Variants in ELAVL2 observed in about 807,000 individuals in gnomAD.
The protein encoded by ELAVL2 is ELAV like RNA binding protein 2, also known as ELAV-like protein 2.
ELAVL2 carries 4 observed loss-of-function variants against 34.6 expected under a neutral mutation model. The ratio of observed to expected loss-of-function variants is 0.12; its 90% confidence interval spans 0.06 to 0.26. The LOEUF is 0.26. Among genes scored for constraint, ELAVL2 ranks in the 10% least tolerant of loss-of-function variants. ELAVL2 has a pLI of 1.00. For synonymous variants in ELAVL2, 193 were observed against 154.8 expected, an observed-to-expected ratio of 1.25 and a Z score of -1.83; for missense variants, 432 against 442.8, an observed-to-expected ratio of 0.98 and a Z score of 0.22.
At chr9:23,804,887 C>T (rs1268841506) in intron 1 of ELAVL2, among the ~76,000 whole-genome samples, 2 of 152,196 alleles carry the variant, frequency 1.3e-5, no homozygotes. Flanking sequence ...TGAAATGAGA[C>T]TGCTGTTCAA....
chr9:23,733,088 T>TA (rs1311599772), intron 2 of ELAVL2, among the ~76,000 whole-genome samples: 8 of 149,572 alleles, frequency 5.3e-5, no homozygotes, highest in Non-Finnish European at 1.2e-4. Flanking sequence ...TTTCTACTGA[T>TA]AGATACTCCT....
At chr9:23,740,127 C>A (rs145520801) in intron 2 of ELAVL2, among the ~76,000 whole-genome samples, 2 of 152,118 alleles carry the variant, frequency 1.3e-5, no homozygotes, top group African/African-American at 2.4e-5. Flanking sequence ...CCAGCCCAAA[C>A]CTTCCAGTAT....
intron 5 of ELAVL2, among the ~76,000 whole-genome samples, chr9:23,700,933 A>G (rs1563941327): frequency 1.3e-5 from 2 of 152,092 alleles, no homozygotes; most frequent in African/African-American, 4.8e-5. Flanking sequence ...ATAACCCCAG[A>G]AAGCTACAGA....
At chr9:23,764,211 G>A (rs2055708181) in intron 1 of ELAVL2, among the ~76,000 whole-genome samples, 1 of 152,124 alleles carries the variant, frequency 6.6e-6, no homozygotes, top group Admixed American at 6.6e-5. Context: ...AAGTTTGGAT[G>A]GGTGTAGAAA....
Position 23,693,619 on chromosome 9 carries a change from G to T in ELAVL2, c.714-133C>A. Reference sequence around the variant, plus strand: ...TATATGTGAAGACTCAGAATGCTGGGTCTTTTTACGTTTTTAAGCTAATGG... The same window carrying T: ...TATATGTGAAGACTCAGAATGCTGGTTCTTTTTACGTTTTTAAGCTAATGG... On this transcript the variant is annotated intron_variant, in intron 5 of 6. Coordinates refer to ENST00000397312, the MANE Select transcript of ELAVL2 (RefSeq NM_004432.5). 4 of 1,086,274 alleles carry T rather than the reference G, an allele frequency of 3.7e-6. No homozygotes were observed. In the South Asian group the frequency reaches 4.2e-5, roughly 11 times the overall value. 67.3% of individuals were successfully genotyped at this position (1,086,274 alleles called of 1,614,324 possible).
intron 1 of ELAVL2, among the ~76,000 whole-genome samples, chr9:23,793,190 A>G (rs560515269): frequency 3.7e-4 from 56 of 152,132 alleles, no homozygotes; most frequent in Non-Finnish European, 3.2e-4. Context: ...TTACACAATC[A>G]CAAGGGGCTT....
chr9:23,819,619 A>G (rs2064239212), intron 1 of ELAVL2, among the ~76,000 whole-genome samples: 1 of 152,180 alleles, frequency 6.6e-6, no homozygotes, highest in Admixed American at 6.5e-5. Context: ...GGAGGGGCTT[A>G]ACACCTAAAG....
At chr9:23,772,159 A>G (rs954275775) in intron 1 of ELAVL2, among the ~76,000 whole-genome samples, 5 of 152,198 alleles carry the variant, frequency 3.3e-5, no homozygotes, top group African/African-American at 9.7e-5. Context: ...ATTCTTCTAC[A>G]AAAGTCACAG....
chr9:23,807,956 G>A (rs995105530), intron 1 of ELAVL2, among the ~76,000 whole-genome samples: 5 of 152,216 alleles, frequency 3.3e-5, no homozygotes, highest in Admixed American at 2.0e-4. Flanking sequence ...GCCAAATTAC[G>A]TTGTCCTGCA....
chr9:23,711,671 T>C (rs1004274499), intron 3 of ELAVL2, among the ~76,000 whole-genome samples: 1 of 152,200 alleles, frequency 6.6e-6, no homozygotes, highest in African/African-American at 2.4e-5. Flanking sequence ...TGGGTGCCTC[T>C]TACCTGCACC....
At chr9:23,802,877 T>G (rs2137716947) in intron 1 of ELAVL2, among the ~76,000 whole-genome samples, 1 of 151,684 alleles carries the variant, frequency 6.6e-6, no homozygotes, top group Non-Finnish European at 1.5e-5. Context: ...AAAAATATTT[T>G]TTAATATGTA....
chr9:23,820,155 A>C (rs2064348648), intron 1 of ELAVL2, among the ~76,000 whole-genome samples: 1 of 152,212 alleles, frequency 6.6e-6, no homozygotes, highest in South Asian at 2.1e-4. Flanking sequence ...GATTCTTGAG[A>C]AAACTCTTCA....
chr9:23,771,402 TAAAAG>T (rs997361335), intron 1 of ELAVL2, among the ~76,000 whole-genome samples: 1 of 151,952 alleles, frequency 6.6e-6, no homozygotes, highest in African/African-American at 2.4e-5. Context: ...AGTTGTGCCT[TAAAAG>T]AAAATAAGGA....
intron 5 of ELAVL2, among the ~76,000 whole-genome samples, chr9:23,693,733 T>C (rs1358575563): frequency 2.0e-5 from 3 of 152,224 alleles, no homozygotes; most frequent in African/African-American, 7.2e-5. Flanking sequence ...CATCTGAGGA[T>C]ACCTTTCAGA....
chr9:23,701,709 C>T, intron 4 of ELAVL2, 105 bp from the exon 5 acceptor site: 1 of 1,185,880 alleles, frequency 8.4e-7, no homozygotes, highest in Non-Finnish European at 1.2e-6. Context: ...CATGTTTTCA[C>T]CTACATATAA....
intron 2 of ELAVL2, among the ~76,000 whole-genome samples, chr9:23,732,810 A>G (rs2134635647): frequency 6.6e-6 from 1 of 152,246 alleles, no homozygotes; most frequent in East Asian, 1.9e-4. Flanking sequence ...TCTCTCTAAA[A>G]CGAGGGTAAT....
the ELAVL2 span, chr9:23,849,922 T>C: frequency 6.6e-6 from 1 of 152,210 alleles, no homozygotes; most frequent in Non-Finnish European, 1.5e-5. Flanking sequence ...CAACCTCATA[T>C]TGCTTTGTCA....
intron 3 of ELAVL2, among the ~76,000 whole-genome samples, chr9:23,708,567 G>A (rs1368839992): frequency 6.6e-6 from 1 of 152,212 alleles, no homozygotes; most frequent in African/African-American, 2.4e-5. Context: ...AATCCTGGCT[G>A]TTTCTTAAAG....
intron 2 of ELAVL2, among the ~76,000 whole-genome samples, chr9:23,735,774 A>T (rs1246174098): frequency 6.6e-6 from 1 of 152,246 alleles, no homozygotes; most frequent in Non-Finnish European, 1.5e-5. Context: ...GAGAACAGTT[A>T]TAAACAGGCT....
Sources: gnomAD v4.1 joint callset for allele counts (sites outside exome capture counted in the v4.1 genomes callset) on GRCh38, gnomAD v4.1.1 for gene constraint, MANE v1.5 for transcripts, NCBI Gene and HGNC (gene_info 2026-07-23, HGNC 2026-07-21) for gene names.